The following ZBTB16 variants were observed in gnomAD, a reference collection of about 807,000 sequenced individuals.
ZBTB16 encodes the protein zinc finger and BTB domain containing 16.
Under a neutral mutation model 56.8 loss-of-function variants are expected in ZBTB16, and 8 were observed. The ratio of observed to expected loss-of-function variants is 0.14; its 90% CI spans 0.08 to 0.25. The LOEUF (loss-of-function observed/expected upper bound fraction) is 0.25, where lower values mean the gene tolerates loss of function less well. Ranked by LOEUF, ZBTB16 falls within the 10% of genes least tolerant of loss-of-function variation. The pLI is 1.00. For missense variants in ZBTB16, 625 were observed against 903.0 expected, an observed-to-expected ratio of 0.69 and a Z score of 3.95; for synonymous variants, 363 against 368.5, an observed-to-expected ratio of 0.98 and a Z score of 0.17.
intron 4 of ZBTB16, among the ~76,000 whole-genome samples, chr11:114,231,541 G>C (rs1012517863): frequency 1.3e-5 from 2 of 152,090 alleles, no homozygotes; most frequent in African/African-American, 4.8e-5. Flanking sequence ...CTAGAAAAGG[G>C]ACCTAGAGGT....
intron 4 of ZBTB16, among the ~76,000 whole-genome samples, chr11:114,227,259 C>G (rs559287565): frequency 2.0e-5 from 3 of 152,158 alleles, no homozygotes; most frequent in Non-Finnish European, 4.4e-5. Context: ...AGGTATCCCC[C>G]ACCTGTGTGC....
At chr11:114,172,955 T>G (rs937748256) in intron 3 of ZBTB16, among the ~76,000 whole-genome samples, 2 of 152,208 alleles carry the variant, frequency 1.3e-5, no homozygotes, top group Non-Finnish European at 2.9e-5. Flanking sequence ...AAGTGTGGCA[T>G]CTTAAGGCTG....
In ZBTB16 at chr11:114,152,126, G is replaced by A. The variant is rs149241807; in HGVS notation, c.1269-4211G>A. The stretch of plus-strand genomic sequence containing the variant: ...GCTGTTGTACTTAGAATATTGTTAG[G>A]ATGAGCAAAGGAATGCCATAGATGC... On this transcript the variant is annotated intron_variant, in intron 2 of 6. Transcript: ENST00000335953. 2.8e-3 allele frequency among the ~76,000 whole-genome samples: 419 copies of A among 152,306 alleles called. 20 individuals carry two copies. In the East Asian group the frequency reaches 0.072, roughly 26 times the overall value.
At chr11:114,082,354 A>G (rs971696939) in intron 2 of ZBTB16, among the ~76,000 whole-genome samples, 25 of 152,172 alleles carry the variant, frequency 1.6e-4, no homozygotes, top group Admixed American at 4.6e-4. Context: ...CAGTGCAGTT[A>G]TTGTGTGGGA....
At chr11:114,186,254 T>C (rs1381426528) in intron 3 of ZBTB16, among the ~76,000 whole-genome samples, 1 of 136,316 alleles carries the variant, frequency 7.3e-6, no homozygotes, top group Non-Finnish European at 1.6e-5. Context: ...TGCAGAAGAA[T>C]ATGCACAGGC....
intron 2 of ZBTB16, among the ~76,000 whole-genome samples, chr11:114,069,083 C>T (rs1939232888): frequency 6.6e-6 from 1 of 152,068 alleles, no homozygotes. Flanking sequence ...GCAACTCTTG[C>T]CTGGTTCCTT....
At position 114,242,417 on chromosome 11, in the gene ZBTB16, G is replaced by A. The variant is rs536002220; in HGVS notation, c.1624+80G>A. Reference sequence around the variant, plus strand: ...TTTACCTCCAAGGACGTAAAGTGGAGGTGGTGGGCTGAGTCAGCCTTCAGT... The same window carrying A: ...TTTACCTCCAAGGACGTAAAGTGGAAGTGGTGGGCTGAGTCAGCCTTCAGT... On this transcript the variant is annotated intron_variant, in intron 5 of 6. Coordinates refer to ENST00000335953, the MANE Select transcript of ZBTB16 (RefSeq NM_006006.6). 1.9e-6 allele frequency: 3 copies of A among 1,566,674 alleles called. No individual in the cohort carries two copies. The South Asian group carries it at 3.5e-5, about 18-fold the overall frequency.
At chr11:114,167,712 C>T (rs1414837958) in intron 3 of ZBTB16, among the ~76,000 whole-genome samples, 1 of 152,112 alleles carries the variant, frequency 6.6e-6, no homozygotes, top group Non-Finnish European at 1.5e-5. Context: ...CTTTGAATGG[C>T]AAGATTCTTT....
chr11:114,130,390 A>G (rs1941628638), intron 2 of ZBTB16, among the ~76,000 whole-genome samples: 1 of 152,082 alleles, frequency 6.6e-6, no homozygotes, highest in African/African-American at 2.4e-5. Flanking sequence ...GGCCACTTCC[A>G]CTTTCATATT....
chr11:114,216,782 A>T (rs1944109718), intron 4 of ZBTB16, among the ~76,000 whole-genome samples: 1 of 152,238 alleles, frequency 6.6e-6, no homozygotes, highest in South Asian at 2.1e-4. Flanking sequence ...CTTGCCACTC[A>T]TTCATTCAAC....
chr11:114,148,453 G>GTCTCTC (rs1565651937), intron 2 of ZBTB16, among the ~76,000 whole-genome samples: 1 of 53,770 alleles, frequency 1.9e-5, no homozygotes, highest in African/African-American at 6.3e-5. Context: ...CTCTCTGTCT[G>GTCTCTC]TCTGTCTCTC....
intron 2 of ZBTB16, among the ~76,000 whole-genome samples, chr11:114,150,082 A>T (rs1311120411): frequency 6.6e-6 from 1 of 152,240 alleles, no homozygotes; most frequent in Admixed American, 6.5e-5. Context: ...TGAATCTTGA[A>T]CTTAATATTC....
chr11:114,116,029 G>T (rs1941163740), intron 2 of ZBTB16, among the ~76,000 whole-genome samples: 1 of 152,204 alleles, frequency 6.6e-6, no homozygotes, highest in South Asian at 2.1e-4. Context: ...ATAGGTTTAG[G>T]TTGTCTTTTA....
intron 4 of ZBTB16, among the ~76,000 whole-genome samples, chr11:114,223,991 G>A (rs1944285689): frequency 6.6e-6 from 1 of 152,148 alleles, no homozygotes; most frequent in Non-Finnish European, 1.5e-5. Context: ...AGAAGTAAAT[G>A]GGCATTAAAT....
Position 114,063,450 on chromosome 11 carries a change from G to A in ZBTB16, c.150G>A (p.Thr50=), listed in dbSNP as rs753267427. Residue 50 remains threonine (T), a synonymous_variant, in exon 2 of 7, where the codon ACG becomes ACA. Coordinates refer to ENST00000335953, the MANE Select transcript of ZBTB16 (RefSeq NM_006006.6). The surrounding 1 kb of genome is among the most constrained non-coding windows in gnomAD (Gnocchi z 6.5). ...GCCAGGAGTTCCACGCCCACCGGACGGTGCTGGCCTGCACCAGCAAGATGT... is the reference window on the plus strand; with the variant it reads ...GCCAGGAGTTCCACGCCCACCGGACAGTGCTGGCCTGCACCAGCAAGATGT... The part of the protein sequence containing the change: ...VDSQEFHAHR[T]VLACTSKMFE... The A allele has an allele frequency of 1.1e-5, 18 of 1,614,084 alleles. No individual in the cohort carries two copies. The highest frequency in any genetic ancestry group is 5.0e-5 in the Admixed American group (3 of 60,004).
intron 2 of ZBTB16, among the ~76,000 whole-genome samples, chr11:114,124,608 C>A (rs1211668261): frequency 6.6e-6 from 1 of 150,380 alleles, no homozygotes; most frequent in African/African-American, 2.4e-5. Flanking sequence ...TGAACATTAA[C>A]CCTTTGGGTC....
At chr11:114,156,914 T>C (rs1426903076) in intron 3 of ZBTB16, among the ~76,000 whole-genome samples, 2 of 152,184 alleles carry the variant, frequency 1.3e-5, no homozygotes, top group Non-Finnish European at 2.9e-5. Flanking sequence ...ATTTTGCTCA[T>C]GTTTGGGCAA....
In ZBTB16 at chr11:114,250,402, G is replaced by T; in HGVS notation, c.1869G>T (p.Thr623=). ...DYSAMIKHLR[T]HNGASPYQCT... ...CGGCCATGATCAAGCACCTGAGAACGCACAACGGCGCCTCGCCCTACCAGT... is the reference window on the plus strand; with the variant it reads ...CGGCCATGATCAAGCACCTGAGAACTCACAACGGCGCCTCGCCCTACCAGT... The change falls in exon 7 of 7, where the codon ACG becomes ACT. Residue 623 remains threonine, a synonymous_variant. Coordinates refer to ENST00000335953, the MANE Select transcript of ZBTB16 (RefSeq NM_006006.6). This position sits in a 1 kb window ranked among gnomAD's most constrained non-coding sequence, Gnocchi z 6.0. 1.2e-6 allele frequency: 2 copies of T among 1,614,100 alleles called. No individual in the cohort carries two copies. Among genetic ancestry groups the T allele is most frequent in the Non-Finnish European group, 1.7e-6 (2 of 1,180,048 alleles).
chr11:114,099,233 G>C (rs1439378022), intron 2 of ZBTB16, among the ~76,000 whole-genome samples: 1 of 152,112 alleles, frequency 6.6e-6, no homozygotes, highest in Non-Finnish European at 1.5e-5. Context: ...ATTGATTTTA[G>C]TTTTTCTAAG....
Sources: allele counts gnomAD v4.1 joint callset (sites outside exome capture counted in the v4.1 genomes callset), GRCh38; gene constraint gnomAD v4.1.1; non-coding constraint Gnocchi (gnomAD v3.1); transcripts MANE v1.5; gene names NCBI Gene and HGNC (gene_info 2026-07-23, HGNC 2026-07-21).